The following AMN1 variants were observed in gnomAD, a reference collection of about 807,000 sequenced individuals.
AMN1 encodes the protein protein AMN1 homolog.
AMN1 carries 20 observed loss-of-function variants against 33.0 expected under a neutral mutation model. The ratio of observed to expected loss-of-function variants is 0.61; its 90% confidence interval spans 0.43 to 0.88. AMN1 has a LOEUF of 0.88. Ranked by LOEUF, AMN1 falls within the 40% of genes least tolerant of loss-of-function variation. The pLI is 0.00. For missense variants in AMN1, 246 were observed against 307.4 expected (o/e 0.80, Z 1.49); for synonymous variants, 114 against 111.9 (o/e 1.02, Z -0.12).
In AMN1 at chr12:31,697,892, G is replaced by C; in HGVS notation, c.382C>G (p.Leu128Val). Residue 128 changes from leucine (L) to valine (V), a missense_variant, in exon 4 of 7, where the codon CTC (leucine) becomes GTC (valine). By Grantham distance (32) the Leu-to-Val change is conservative. Transcript: ENST00000281471. ...HEASLKRCCN[L>V]TDEGVVALAL... is the part of the protein sequence containing the mutation. ...AGAGCAACGACTCCTTCGTCAGTGA[G>C]ATTGCAGCATCTTTTCAAAGAAGCT... The C allele has an allele frequency of 6.2e-7, 1 of 1,614,046 alleles. No individual in the cohort carries two copies. The highest frequency in any genetic ancestry group is 8.5e-7 in the Non-Finnish European group (1 of 1,179,896).
intron 6 of AMN1, among the ~76,000 whole-genome samples, chr12:31,681,608 A>C (rs1381705083): frequency 6.6e-6 from 1 of 152,162 alleles, no homozygotes; most frequent in Non-Finnish European, 1.5e-5. Flanking sequence ...GAGATCCATA[A>C]GAGTTAAGTG....
At chr12:31,675,976 A>G (rs1231816138) in intron 6 of AMN1, among the ~76,000 whole-genome samples, 1 of 151,902 alleles carries the variant, frequency 6.6e-6, no homozygotes. Context: ...GGAATTCACT[A>G]AAAAAATAGA....
rs546984143 is a variant in AMN1, at chr12:31,724,253, G to A, written c.38+4718C>T. On this transcript the variant is annotated intron_variant, in intron 1 of 6. Transcript: ENST00000281471. ...TAACAACATCTACAAGGATTGGGTG[G>A]AAAAATAAAAAATACATGTAACAAT... Among the ~76,000 whole-genome samples, 5 of 152,204 alleles carry A rather than the reference G, an allele frequency of 3.3e-5. No individual in the cohort carries two copies. In the East Asian group the frequency reaches 9.6e-4, roughly 29 times the overall value.
At chr12:31,681,254 G>A (rs1047066256) in intron 6 of AMN1, among the ~76,000 whole-genome samples, 8 of 151,996 alleles carry the variant, frequency 5.3e-5, no homozygotes, top group Non-Finnish European at 1.5e-5. Flanking sequence ...TTGAGACGAA[G>A]TTTCGCTCTT....
At chr12:31,728,365 G>A (rs1940166773) in intron 1 of AMN1, among the ~76,000 whole-genome samples, 1 of 152,154 alleles carries the variant, frequency 6.6e-6, no homozygotes, top group African/African-American at 2.4e-5. Flanking sequence ...GGTTTTACAT[G>A]TTTTAAATTT....
At chr12:31,717,448 T>C (rs1174761815) in intron 1 of AMN1, among the ~76,000 whole-genome samples, 2 of 152,256 alleles carry the variant, frequency 1.3e-5, no homozygotes, top group East Asian at 3.8e-4. Context: ...TAGAATCATT[T>C]ATATTCCTTT....
chr12:31,686,362 T>A (rs894079225), intron 6 of AMN1, among the ~76,000 whole-genome samples: 14 of 152,078 alleles, frequency 9.2e-5, no homozygotes, highest in African/African-American at 1.4e-4. Flanking sequence ...GGAGAAGCAC[T>A]TGAACCCAGG....
At chr12:31,688,370 A>G (rs1306537618) in intron 6 of AMN1, among the ~76,000 whole-genome samples, 3 of 152,250 alleles carry the variant, frequency 2.0e-5, no homozygotes, top group African/African-American at 4.8e-5. Flanking sequence ...ATCATGTTCA[A>G]TATCATGAAC....
intron 1 of AMN1, among the ~76,000 whole-genome samples, chr12:31,727,316 T>C (rs1176048983): frequency 1.3e-5 from 2 of 152,214 alleles, no homozygotes; most frequent in Non-Finnish European, 2.9e-5. Context: ...TGTCTCCCTA[T>C]TTCCAACTTC....
chr12:31,721,200 C>T (rs879920624), intron 1 of AMN1, among the ~76,000 whole-genome samples: 10 of 151,996 alleles, frequency 6.6e-5, no homozygotes, highest in East Asian at 1.9e-4. Context: ...TATGGGTGGC[C>T]GAAATTATCA....
chr12:31,700,668 T>A (rs557078774), intron 3 of AMN1, among the ~76,000 whole-genome samples: 18 of 147,628 alleles, frequency 1.2e-4, no homozygotes, highest in Non-Finnish European at 2.5e-4. Context: ...CCATGTTTTG[T>A]TTTTTTTTTA....
rs58644649 is a variant in AMN1 at position 31,687,893 on chromosome 12, C to T, written c.703+1114G>A. 0.018 allele frequency among the ~76,000 whole-genome samples: 2,746 copies of T among 152,154 alleles called. 74 individuals are homozygous for T. Among genetic ancestry groups the T allele is most frequent in the African/African-American group, 0.063 (2,595 of 41,494 alleles). On this transcript the variant is annotated intron_variant, in intron 6 of 6. Coordinates refer to ENST00000281471, the MANE Select transcript of AMN1 (RefSeq NM_001113402.2). The surrounding 1 kb of genome is among the most constrained non-coding windows in gnomAD (Gnocchi z 4.1). ...GCTCTTATACAGGCAAAATGGGCTACTGCTGTTTTGTTCTCCTCCAGTGAA... is the reference window on the plus strand; with the variant it reads ...GCTCTTATACAGGCAAAATGGGCTATTGCTGTTTTGTTCTCCTCCAGTGAA...
At chr12:31,677,156 T>C (rs1214106397) in intron 6 of AMN1, among the ~76,000 whole-genome samples, 15 of 151,886 alleles carry the variant, frequency 9.9e-5, no homozygotes, top group Non-Finnish European at 1.2e-4. Flanking sequence ...AAAAATTAGC[T>C]GGGCGTAGTG....
chr12:31,688,868 G>A (rs1236815229), intron 6 of AMN1, 139 bp downstream of exon 6: 1 of 451,820 alleles, frequency 2.2e-6, no homozygotes, highest in Admixed American at 4.2e-5. Context: ...TCATGACTAA[G>A]TCTATGAGGT....
At chr12:31,698,485 T>A (rs570026444) in intron 3 of AMN1, among the ~76,000 whole-genome samples, 19 of 152,322 alleles carry the variant, frequency 1.2e-4, no homozygotes, top group Admixed American at 1.2e-3. Flanking sequence ...ATGCTCCTTC[T>A]GTTAGCCTGG....
At chr12:31,680,333 T>G (rs1438068439) in intron 6 of AMN1, among the ~76,000 whole-genome samples, 3 of 151,702 alleles carry the variant, frequency 2.0e-5, no homozygotes, top group Admixed American at 6.6e-5. Flanking sequence ...CCCAAATACC[T>G]GGGATTATAG....
rs11832825 is a variant in AMN1 at position 31,721,003 on chromosome 12, C to T, written c.38+7968G>A. ...ATAATCCCAGCACTTTGGAAGCCAA[C>T]GTGGGAATATCTCTTGAGTCCAGGA... On this transcript the variant is annotated intron_variant, in intron 1 of 6. Coordinates refer to ENST00000281471, the MANE Select transcript of AMN1 (RefSeq NM_001113402.2). Among the ~76,000 whole-genome samples the T allele has an allele frequency of 8.4e-3, 1,273 of 152,210 alleles. 17 individuals are homozygous for T. The highest frequency in any genetic ancestry group is 0.029 in the African/African-American group (1,197 of 41,522).
Position 31,679,146 on chromosome 12 carries a change from T to TATAA in AMN1, c.704-6773_704-6770dup, listed in dbSNP as rs1291332745. On this transcript the variant is annotated intron_variant, in intron 6 of 6. Coordinates refer to ENST00000281471, the MANE Select transcript of AMN1 (RefSeq NM_001113402.2). ...AACATGGCGAAACCCCGTCTCTATT[T>TATAA]ATAAATAAATAAATAAATAAAAATT... is the stretch of plus-strand genomic sequence containing the variant. Among the ~76,000 whole-genome samples, 407 of 152,126 alleles carry TATAA rather than the reference T, an allele frequency of 2.7e-3. 2 individuals are homozygous for TATAA. Among genetic ancestry groups the TATAA allele is most frequent in the African/African-American group, 9.2e-3 (383 of 41,504 alleles).
intron 5 of AMN1, 98 bp from the exon 6 acceptor site, chr12:31,689,216 A>G: frequency 3.7e-6 from 3 of 812,048 alleles, no homozygotes; most frequent in Non-Finnish European, 5.8e-6. Context: ...AAAGAACCAG[A>G]TATCTACTTG....
Sources: gnomAD v4.1 joint callset for allele counts (sites outside exome capture counted in the v4.1 genomes callset) on GRCh38, gnomAD v4.1.1 for gene constraint, Gnocchi (gnomAD v3.1) non-coding constraint, MANE v1.5 for transcripts, NCBI Gene and HGNC (gene_info 2026-07-23, HGNC 2026-07-21) for gene names.